The following CELF2 variants were observed in gnomAD, a reference collection of about 807,000 sequenced individuals.
CELF2 encodes CUG triplet repeat RNA-binding protein 2.
In CELF2, 8 loss-of-function variants were observed where a neutral mutation model predicts 62.6. That is an observed-to-expected ratio of 0.13 (90% confidence interval 0.07 to 0.23). CELF2 has a LOEUF of 0.23. CELF2 is among the 10% of genes least tolerant of loss of function. The pLI is 1.00. For synonymous variants in CELF2, 258 were observed against 250.0 expected, an observed-to-expected ratio of 1.03 and a Z score of -0.30; for missense variants, 333 against 671.0, an observed-to-expected ratio of 0.50 and a Z score of 5.56.
At chr10:11,233,497 G>A (rs1340854778) in intron 3 of CELF2, among the ~76,000 whole-genome samples, 1 of 152,106 alleles carries the variant, frequency 6.6e-6, no homozygotes, top group African/African-American at 2.4e-5. Flanking sequence ...TCTGAAAATC[G>A]GGCTTCTCTG....
intron 1 of CELF2, among the ~76,000 whole-genome samples, chr10:11,124,091 A>C (rs989534031): frequency 2.0e-5 from 3 of 152,158 alleles, no homozygotes; most frequent in African/African-American, 2.4e-5. Context: ...ATCTCATGAG[A>C]CTTATTCACT....
chr10:10,950,577 T>C (rs1229072920), intron 2 of CELF2, among the ~76,000 whole-genome samples: 1 of 152,142 alleles, frequency 6.6e-6, no homozygotes, highest in African/African-American at 2.4e-5. Flanking sequence ...TATAGAAGAA[T>C]GGCAGAATTG....
At chr10:10,877,638 T>A (rs987855427) in intron 1 of CELF2, among the ~76,000 whole-genome samples, 4 of 152,248 alleles carry the variant, frequency 2.6e-5, no homozygotes, top group Non-Finnish European at 5.9e-5. Context: ...TGAGATTTAT[T>A]TTCCTTTCAC....
intron 2 of CELF2, among the ~76,000 whole-genome samples, chr10:11,194,479 TC>T (rs1296972896): frequency 2.0e-5 from 3 of 152,214 alleles, no homozygotes; most frequent in Non-Finnish European, 4.4e-5. Context: ...ACCTTTGCAT[TC>T]ATACAGTCCC....
the CELF2 span, among the ~76,000 whole-genome samples, chr10:10,691,959 C>A: frequency 2.6e-5 from 4 of 151,646 alleles, no homozygotes; most frequent in African/African-American, 9.7e-5. Context: ...TTGTAGGTTG[C>A]CTGTTCACTC....
chr10:11,150,752 T>G (rs2063180021), intron 1 of CELF2, among the ~76,000 whole-genome samples: 1 of 152,246 alleles, frequency 6.6e-6, no homozygotes. Flanking sequence ...ATCTGTTTAT[T>G]TCTCTCACAT....
intron 1 of CELF2, among the ~76,000 whole-genome samples, chr10:10,860,524 T>A (rs1007485721): frequency 6.6e-6 from 1 of 152,216 alleles, no homozygotes; most frequent in Non-Finnish European, 1.5e-5. Flanking sequence ...TCAATTTCAT[T>A]TCATTTTTTC....
At chr10:10,792,395 G>A in the CELF2 span, 1 of 398,366 alleles carries the variant, frequency 2.5e-6, no homozygotes, top group Non-Finnish European at 4.4e-6. Context: ...TAATTCAAGG[G>A]CAATATTCCG....
intron 2 of CELF2, among the ~76,000 whole-genome samples, chr10:10,967,692 C>A (rs1158948523): frequency 1.3e-5 from 2 of 152,152 alleles, no homozygotes; most frequent in Non-Finnish European, 2.9e-5. Flanking sequence ...GTGTTCCTGC[C>A]ACCTTCAATC....
the CELF2 span, among the ~76,000 whole-genome samples, chr10:10,508,804 T>C: frequency 6.6e-6 from 1 of 151,740 alleles, no homozygotes; most frequent in Admixed American, 6.6e-5. Flanking sequence ...GCCTTTCAAG[T>C]AGCTGGGATT....
At chr10:10,870,924 G>A (rs1445204883) in intron 1 of CELF2, among the ~76,000 whole-genome samples, 1 of 152,104 alleles carries the variant, frequency 6.6e-6, no homozygotes, top group Non-Finnish European at 1.5e-5. Flanking sequence ...GACATTACCG[G>A]ACTCACTAAC....
At chr10:10,908,214 A>ATCTTTTTTTTTTT (rs1055620339) in intron 1 of CELF2, among the ~76,000 whole-genome samples, 1 of 83,738 alleles carries the variant, frequency 1.2e-5, no homozygotes, top group Non-Finnish European at 2.1e-5. Flanking sequence ...GTATGAGGGG[A>ATCTTTTTTTTTTT]TTTTTTTTTT....
At chr10:10,474,408 T>C in the CELF2 span, among the ~76,000 whole-genome samples, 2 of 152,050 alleles carry the variant, frequency 1.3e-5, no homozygotes, top group Non-Finnish European at 1.5e-5. Flanking sequence ...TGAGCAGAAG[T>C]TGACAAACTG....
At chr10:10,530,430 G>A in the CELF2 span, among the ~76,000 whole-genome samples, 1 of 152,112 alleles carries the variant, frequency 6.6e-6, no homozygotes, top group African/African-American at 2.4e-5. Context: ...CCCAAGTCTG[G>A]GTCTGTTTAG....
intron 1 of CELF2, chr10:10,798,894 A>T: frequency 2.5e-6 from 1 of 398,754 alleles, no homozygotes; most frequent in East Asian, 3.6e-5. Flanking sequence ...ACACCTGTGC[A>T]GAAGTGGTTG....
At chr10:10,856,782 C>A (rs888680099) in intron 1 of CELF2, among the ~76,000 whole-genome samples, 5 of 152,188 alleles carry the variant, frequency 3.3e-5, no homozygotes, top group Non-Finnish European at 5.9e-5. Context: ...TTGGGTGATT[C>A]CCATTGGCTT....
At chr10:10,878,383 T>G (rs921781582) in intron 1 of CELF2, among the ~76,000 whole-genome samples, 2 of 152,216 alleles carry the variant, frequency 1.3e-5, no homozygotes, top group Admixed American at 1.3e-4. Flanking sequence ...AGTGGGTTAC[T>G]TTCCTGGACA....
chr10:10,634,788 A>C, the CELF2 span, among the ~76,000 whole-genome samples: 1 of 151,834 alleles, frequency 6.6e-6, no homozygotes, highest in Non-Finnish European at 1.5e-5. Flanking sequence ...CAGCCTCCCG[A>C]GTAGCTGGGA....
In CELF2 at chr10:11,046,254, G is replaced by A. The variant is rs150801682; in HGVS notation, c.74+28091G>A. Among the ~76,000 whole-genome samples the A allele has an allele frequency of 6.6e-6, 1 of 152,288 alleles. No individual in the cohort carries two copies. Among genetic ancestry groups the A allele is most frequent in the Non-Finnish European group, 1.5e-5 (1 of 68,028 alleles). ...CGTTCCGATTCAGCGGGTCCAAGGT[G>A]GGGCTGGGAATTTGCATCTCTAACG... On this transcript the variant is annotated intron_variant, in intron 1 of 12. Coordinates refer to ENST00000633077, the MANE Select transcript of CELF2 (RefSeq NM_001326342.2). The surrounding 1 kb of genome is among the most constrained non-coding windows in gnomAD (Gnocchi z 4.6).
Sources: allele counts gnomAD v4.1 joint callset (sites outside exome capture counted in the v4.1 genomes callset), GRCh38; gene constraint gnomAD v4.1.1; non-coding constraint Gnocchi (gnomAD v3.1); transcripts MANE v1.5; gene names NCBI Gene and HGNC (gene_info 2026-07-23, HGNC 2026-07-21).